The following C10orf90 variants were observed in gnomAD, a reference collection of about 807,000 sequenced individuals.
C10orf90 encodes chromosome 10 open reading frame 90.
Under a neutral mutation model 62.5 loss-of-function variants are expected in C10orf90, and 56 were observed. The ratio of observed to expected loss-of-function variants is 0.90; its 90% CI spans 0.72 to 1.12. C10orf90 has a LOEUF of 1.12. C10orf90 is among the 50% of genes most tolerant of loss of function. C10orf90 has a pLI of 0.00. For missense variants in C10orf90, 970 were observed against 880.4 expected (o/e 1.10, Z -1.29); for synonymous variants, 386 against 340.4 (o/e 1.13, Z -1.47).
At chr10:126,538,218 A>C (rs1235322831) in intron 2 of C10orf90, among the ~76,000 whole-genome samples, 1 of 152,170 alleles carries the variant, frequency 6.6e-6, no homozygotes, top group African/African-American at 2.4e-5. Flanking sequence ...AAACCATCAG[A>C]TCTTATGAGA....
chr10:126,470,089 AG>A (rs1338256244), intron 4 of C10orf90: 1 of 450,928 alleles, frequency 2.2e-6, no homozygotes, highest in Non-Finnish European at 4.5e-6. Flanking sequence ...TGCATACTGC[AG>A]GGGGGAAGGC....
At chr10:126,493,137 A>G (rs948869001) in intron 4 of C10orf90, among the ~76,000 whole-genome samples, 4 of 150,086 alleles carry the variant, frequency 2.7e-5, no homozygotes, top group Non-Finnish European at 5.9e-5. Context: ...AACAGTATGT[A>G]TTTTGCATAA....
Position 126,586,921 on chromosome 10 carries a change from G to T in C10orf90, c.313+59644C>A, listed in dbSNP as rs539418816. ...GTCCGAGATGATGGGGCTCTCAGAG[G>T]CCAGGAATGCAAAGGGTCCTCAACG... On this transcript the variant is annotated intron_variant, in intron 2 of 9. Coordinates refer to ENST00000488181, the MANE Select transcript of C10orf90 (RefSeq NM_001350921.2). Among the ~76,000 whole-genome samples the T allele has an allele frequency of 5.9e-4, 90 of 152,308 alleles. No homozygotes were observed. The South Asian group carries it at 0.011, about 19-fold the overall frequency.
At chr10:126,634,422 T>A (rs1845909554) in intron 2 of C10orf90, among the ~76,000 whole-genome samples, 1 of 152,168 alleles carries the variant, frequency 6.6e-6, no homozygotes, top group Non-Finnish European at 1.5e-5. Flanking sequence ...AATAGCAGAA[T>A]TCATAGAGTC....
At chr10:126,486,607 T>C (rs1861448978) in intron 4 of C10orf90, among the ~76,000 whole-genome samples, 1 of 152,034 alleles carries the variant, frequency 6.6e-6, no homozygotes, top group Non-Finnish European at 1.5e-5. Flanking sequence ...AATAATTAAT[T>C]TATGAATGAA....
chr10:126,659,569 T>A (rs1401826753), intron 1 of C10orf90, among the ~76,000 whole-genome samples: 2 of 152,220 alleles, frequency 1.3e-5, no homozygotes, highest in South Asian at 2.1e-4. Context: ...AAGATACTCA[T>A]TTTTAGAGCT....
intron 3 of C10orf90, among the ~76,000 whole-genome samples, chr10:126,508,158 T>TGAGTGAGAGAGA (rs1554903861): frequency 2.3e-5 from 3 of 131,468 alleles, no homozygotes; most frequent in African/African-American, 6.1e-5. Context: ...AATGAGTGAG[T>TGAGTGAGAGAGA]GAGAGAGAGA....
chr10:126,469,726 T>C (rs746224100), intron 4 of C10orf90: 17 of 372,950 alleles, frequency 4.6e-5, no homozygotes, highest in Non-Finnish European at 8.5e-5. Context: ...GCATTTTATA[T>C]GTAGTGTCTC....
In C10orf90 at chr10:126,565,012, T is replaced by C. The variant is rs769223241; in HGVS notation, c.314-51073A>G. On this transcript the variant is annotated intron_variant, in intron 2 of 9. Transcript: ENST00000488181. Reference sequence around the variant, plus strand: ...AAATATATATTATATATAATATATATAATATATATTATATATTATATAAAA... The same window carrying C: ...AAATATATATTATATATAATATATACAATATATATTATATATTATATAAAA... Among the ~76,000 whole-genome samples, 29 of 10,242 alleles carry C rather than the reference T, an allele frequency of 2.8e-3. 1 individual carries two copies. The highest frequency in any genetic ancestry group is 8.7e-3 in the African/African-American group (28 of 3,234). 6.7% of individuals were successfully genotyped at this position (10,242 alleles called of 152,430 possible). A position where few individuals can be genotyped will look rare whatever the true frequency, so the allele number is the denominator to read the frequency against.
At chr10:126,496,643 CT>C (rs1179082615) in intron 4 of C10orf90, 1 of 985,260 alleles carries the variant, frequency 1.0e-6, no homozygotes, top group African/African-American at 1.7e-5. Flanking sequence ...TTTAACTTTA[CT>C]TTTCACAACC....
chr10:126,439,353 G>A (rs556154758), intron 7 of C10orf90, among the ~76,000 whole-genome samples: 3 of 152,230 alleles, frequency 2.0e-5, no homozygotes, highest in African/African-American at 7.2e-5. Context: ...AGCTGGAAGA[G>A]GTGACTGCTC....
intron 4 of C10orf90, among the ~76,000 whole-genome samples, chr10:126,478,349 T>C (rs1224100969): frequency 6.6e-6 from 1 of 152,160 alleles, no homozygotes; most frequent in Non-Finnish European, 1.5e-5. Context: ...GCCATCCTGC[T>C]CCAGGAGGGA....
At chr10:126,561,726 A>G (rs1864904497) in intron 2 of C10orf90, among the ~76,000 whole-genome samples, 1 of 152,082 alleles carries the variant, frequency 6.6e-6, no homozygotes, top group African/African-American at 2.4e-5. Flanking sequence ...AGCAGAGAGA[A>G]TCAGGGAACA....
intron 2 of C10orf90, chr10:126,523,342 G>T (rs964814012): frequency 6.6e-6 from 1 of 152,204 alleles, no homozygotes; most frequent in Non-Finnish European, 1.5e-5. Context: ...CATGGGTACC[G>T]CACTGATGTG....
chr10:126,473,468 T>C (rs934196191), intron 4 of C10orf90, among the ~76,000 whole-genome samples: 1 of 152,220 alleles, frequency 6.6e-6, no homozygotes, highest in African/African-American at 2.4e-5. Context: ...TTGTGAGAAC[T>C]GAACAGGTCT....
chr10:126,623,059 C>T (rs887441789), intron 2 of C10orf90, among the ~76,000 whole-genome samples: 34 of 152,184 alleles, frequency 2.2e-4, no homozygotes, highest in African/African-American at 6.5e-4. Context: ...GGCAAGACCT[C>T]GGGCCCCGAC....
At chr10:126,462,560 G>A (rs992211205) in intron 5 of C10orf90, among the ~76,000 whole-genome samples, 6 of 152,112 alleles carry the variant, frequency 3.9e-5, no homozygotes, top group Non-Finnish European at 8.8e-5. Context: ...CACCAGGTGG[G>A]GTTGGAAGAT....
intron 2 of C10orf90, among the ~76,000 whole-genome samples, chr10:126,631,417 T>C (rs1357123703): frequency 6.6e-6 from 1 of 152,168 alleles, no homozygotes; most frequent in African/African-American, 2.4e-5. Context: ...GCCCTGCTGC[T>C]TGCATGGCAA....
chr10:126,609,756 C>T (rs1258842183), intron 2 of C10orf90, among the ~76,000 whole-genome samples: 1 of 152,234 alleles, frequency 6.6e-6, no homozygotes, highest in Admixed American at 6.5e-5. Context: ...CAGCCAGATG[C>T]TGCACGGGAT....
Sources: allele counts gnomAD v4.1 joint callset (sites outside exome capture counted in the v4.1 genomes callset), GRCh38; gene constraint gnomAD v4.1.1; transcripts MANE v1.5; gene names NCBI Gene and HGNC (gene_info 2026-07-23, HGNC 2026-07-21).